CXCR4: variants seen among roughly 807,000 people sequenced by gnomAD.
The protein encoded by CXCR4 is C-X-C motif chemokine receptor 4, also known as C-X-C chemokine receptor type 4.
Under a neutral mutation model 22.4 loss-of-function variants are expected in CXCR4, and 6 were observed. That is an observed-to-expected ratio of 0.27 (90% CI 0.15 to 0.53). The LOEUF (loss-of-function observed/expected upper bound fraction) is 0.53. CXCR4 is among the 20% of genes least tolerant of loss of function. The pLI is 0.96. For missense variants in CXCR4, 300 were observed against 430.4 expected (o/e 0.70, Z 2.68); for synonymous variants, 155 against 171.7 (o/e 0.90, Z 0.76).
chr2:136,116,184 G>T (rs1025452941), intron 1 of CXCR4: 12 of 1,356,474 alleles, frequency 8.8e-6, no homozygotes, highest in Non-Finnish European at 1.1e-5. Context: ...GACGCTGAGG[G>T]TTTCAAAGTC....
In CXCR4 at chr2:136,115,514, G is replaced by A. The variant is rs2228014; in HGVS notation, c.414C>T (p.Ile138=). 63,175 of 1,614,162 alleles carry A rather than the reference G, an allele frequency of 0.039. 1,655 individuals are homozygous for A. Among genetic ancestry groups the A allele is most frequent in the East Asian group, 0.1 (4,515 of 44,888 alleles). ...AFISLDRYLA[I]VHATNSQRPR... is the part of the protein sequence containing the mutation. ...GCCTCTGACTGTTGGTGGCGTGGAC[G>A]ATGGCCAGGTAGCGGTCCAGACTGA... Residue 138 remains isoleucine, a synonymous_variant, in exon 2 of 2, where the codon ATC becomes ATT. Transcript: ENST00000241393. The surrounding 1 kb of genome is among the most constrained non-coding windows in gnomAD (Gnocchi z 6.4).
At position 136,115,918 on chromosome 2, in the gene CXCR4, A is replaced by G; in HGVS notation, c.16-6T>C. 1 of 1,614,186 alleles carries G rather than the reference A, an allele frequency of 6.2e-7. No individual in the cohort carries two copies. Among genetic ancestry groups the G allele is most frequent in the Non-Finnish European group, 8.5e-7 (1 of 1,180,016 alleles). On this transcript the variant is annotated splice_polypyrimidine_tract_variant and splice_region_variant and intron_variant, in intron 1 of 1. Coordinates refer to ENST00000241393, the MANE Select transcript of CXCR4 (RefSeq NM_003467.3). This position sits in a 1 kb window ranked among gnomAD's most constrained non-coding sequence, Gnocchi z 6.4. ...TAGTTATCTGAAGTGTATATCTGCAAAAGAGGCAAAGGAATGGACATTCAC... is the reference window on the plus strand; with the variant it reads ...TAGTTATCTGAAGTGTATATCTGCAGAAGAGGCAAAGGAATGGACATTCAC...
rs900000293 is a variant in CXCR4, at chr2:136,118,070, T to G, written c.-10A>C. The stretch of plus-strand genomic sequence containing the variant: ...CACTGATCCCCTCCATGGTAACCGC[T>G]GGTTCTCCAGATGCGGTGGCTACTG... On this transcript the variant is annotated 5_prime_UTR_variant, in exon 1 of 2. Coordinates refer to ENST00000241393, the MANE Select transcript of CXCR4 (RefSeq NM_003467.3). 5.6e-6 allele frequency: 9 copies of G among 1,613,716 alleles called. No individual in the cohort carries two copies. The highest frequency in any genetic ancestry group is 5.0e-5 in the Admixed American group (3 of 59,996).
intron 1 of CXCR4, among the ~76,000 whole-genome samples, chr2:136,116,846 C>A (rs1684910535): frequency 6.6e-6 from 1 of 152,152 alleles, no homozygotes; most frequent in Non-Finnish European, 1.5e-5. Context: ...ACGCGGGGGG[C>A]CGGGTCGTCC....
intron 1 of CXCR4, chr2:136,117,784 C>CTT (rs1684956829): frequency 2.1e-6 from 1 of 483,278 alleles, no homozygotes; most frequent in Admixed American, 4.0e-5. Context: ...CGCGGCGGGA[C>CTT]TCAAGGGGGA....
In CXCR4 at chr2:136,114,665, G is replaced by T. The variant is rs1252176632; in HGVS notation, c.*204C>A. ...ACAGCAACTAAGAACTTGGCCACAG[G>T]TCCTGCCTAGACACACATCAATATG... On this transcript the variant is annotated 3_prime_UTR_variant, in exon 2 of 2. Coordinates refer to ENST00000241393, the MANE Select transcript of CXCR4 (RefSeq NM_003467.3). The T allele has an allele frequency of 8.5e-6, 4 of 471,222 alleles. No homozygotes were observed. Among genetic ancestry groups the T allele is most frequent in the Non-Finnish European group, 1.5e-5 (4 of 268,634 alleles). The allele number at this position is 471,222 out of a possible 1,614,324, so 29.2% of individuals were successfully genotyped here. A position where few individuals can be genotyped will look rare whatever the true frequency, so the allele number is the denominator to read the frequency against.
Position 136,118,107 on chromosome 2 carries a change from C to CCCTCGGCGTCACTTTTGG in CXCR4, c.-48_-47insCCAAAAGTGACGCCGAGG. On this transcript the variant is annotated 5_prime_UTR_variant, in exon 1 of 2. Transcript: ENST00000241393. ...TGCGGTGGCTACTGGAGCACTCAGG[C>CCCTCGGCGTCACTTTTGG]CCTCGGCGTCACTTTGCTACCTGCT... 1 of 1,605,838 alleles carries CCCTCGGCGTCACTTTTGG rather than the reference C, an allele frequency of 6.2e-7. No homozygotes were observed. Among genetic ancestry groups the CCCTCGGCGTCACTTTTGG allele is most frequent in the Non-Finnish European group, 8.5e-7 (1 of 1,173,632 alleles).
intron 1 of CXCR4, among the ~76,000 whole-genome samples, chr2:136,116,537 T>C (rs1048747993): frequency 3.9e-5 from 6 of 152,152 alleles, no homozygotes; most frequent in African/African-American, 1.4e-4. Context: ...ACGAAGGCCC[T>C]TCGGTGCTTG....
rs770516483 is a variant in CXCR4, at chr2:136,115,507, C to T, written c.421G>A (p.Ala141Thr). The T allele has an allele frequency of 3.1e-6, 5 of 1,613,996 alleles. No individual in the cohort carries two copies. The highest frequency in any genetic ancestry group is 1.7e-5 in the Admixed American group (1 of 60,000). The change falls in exon 2 of 2, where the codon GCC becomes ACC. Residue 141 changes from alanine to threonine, a missense_variant. Ala to Thr is a moderately conservative substitution (Grantham distance 58, BLOSUM62 0). This residue lies in a region of CXCR4 where 118 missense variants were observed against 188.2 expected (regional missense o/e 0.63). Coordinates refer to ENST00000241393, the MANE Select transcript of CXCR4 (RefSeq NM_003467.3). The surrounding 1 kb of genome is among the most constrained non-coding windows in gnomAD (Gnocchi z 6.4). ...TTCCTTGGCCTCTGACTGTTGGTGG[C>T]GTGGACGATGGCCAGGTAGCGGTCC... ...SLDRYLAIVH[A>T]TNSQRPRKLL...
Position 136,114,360 on chromosome 2 carries a change from T to G in CXCR4, c.*509A>C, listed in dbSNP as rs1357387503. On this transcript the variant is annotated 3_prime_UTR_variant, in exon 2 of 2. Coordinates refer to ENST00000241393, the MANE Select transcript of CXCR4 (RefSeq NM_003467.3). Reference sequence around the variant, plus strand: ...AACATAACACTAAGTAAGTTTAACATGTACTTTTATTAACAACTTAATACA... The same window carrying G: ...AACATAACACTAAGTAAGTTTAACAGGTACTTTTATTAACAACTTAATACA... 1 of 211,754 alleles carries G rather than the reference T, an allele frequency of 4.7e-6. No individual in the cohort carries two copies. Among genetic ancestry groups the G allele is most frequent in the East Asian group, 7.2e-5 (1 of 13,898 alleles). 13.1% of individuals were successfully genotyped at this position (211,754 alleles called of 1,614,324 possible).
At chr2:136,116,968 G>A (rs1573616017) in intron 1 of CXCR4, among the ~76,000 whole-genome samples, 1 of 152,250 alleles carries the variant, frequency 6.6e-6, no homozygotes, top group Non-Finnish European at 1.5e-5. Context: ...GTGCTGGGGA[G>A]CGACTGGGCG....
intron 1 of CXCR4, chr2:136,117,474 G>C (rs1684935535): frequency 6.5e-6 from 1 of 153,318 alleles, no homozygotes; most frequent in African/African-American, 2.4e-5. Context: ...TCTGCCTACT[G>C]TGCTGGGAGA....
Position 136,115,262 on chromosome 2 carries a change from G to A in CXCR4, c.666C>T (p.Ile222=), listed in dbSNP as rs144569657. The A allele has an allele frequency of 1.2e-5, 20 of 1,614,058 alleles. No individual in the cohort carries two copies. Among genetic ancestry groups the A allele is most frequent in the Non-Finnish European group, 1.3e-5 (15 of 1,180,048 alleles). The change falls in exon 2 of 2, where the codon ATC becomes ATT. Residue 222 remains isoleucine (I), a synonymous_variant. Transcript: ENST00000241393. The surrounding 1 kb of genome is among the most constrained non-coding windows in gnomAD (Gnocchi z 6.4). The stretch of plus-strand genomic sequence containing the variant: ...CCTTGGAGTGTGACAGCTTGGAGAT[G>A]ATAATGCAATAGCAGGACAGGATGA... ...GIVILSCYCI[I]ISKLSHSKGH...
In CXCR4 at chr2:136,115,064, C is replaced by G; in HGVS notation, c.864G>C (p.Glu288Asp). The change falls in exon 2 of 2, where the codon GAG (glutamate) becomes GAC (aspartate). Residue 288 changes from glutamate to aspartate, a missense_variant. By Grantham distance (45) the Glu-to-Asp change is conservative (BLOSUM62 2). This residue lies in a region of CXCR4 where 45 missense variants were observed against 89.1 expected (regional missense o/e 0.51). Transcript: ENST00000241393. This position sits in a 1 kb window ranked among gnomAD's most constrained non-coding sequence, Gnocchi z 6.4. ...NTVHKWISIT[E>D]ALAFFHCCLN... ...GACAACAGTGGAAGAAAGCTAGGGC[C>G]TCGGTGATGGAAATCCACTTGTGCA... 6.2e-7 allele frequency: 1 copy of G among 1,614,180 alleles called. No homozygotes were observed. The highest frequency in any genetic ancestry group is 8.5e-7 in the Non-Finnish European group (1 of 1,180,048).
In CXCR4 at chr2:136,115,911, A is replaced by G. The variant is rs1684876088; in HGVS notation, c.17T>C (p.Ile6Thr). 6.2e-7 allele frequency: 1 copy of G among 1,614,076 alleles called. No homozygotes were observed. Among genetic ancestry groups the G allele is most frequent in the Non-Finnish European group, 8.5e-7 (1 of 1,180,018 alleles). Residue 6 changes from isoleucine (I) to threonine (T), a missense_variant and splice_region_variant, in exon 2 of 2, where the codon ATA (isoleucine) becomes ACA (threonine). Around this residue, in one of 3 missense-constraint regions of CXCR4, gnomAD observed 118 missense variants for 188.2 expected, o/e 0.63. Transcript: ENST00000241393. This position sits in a 1 kb window ranked among gnomAD's most constrained non-coding sequence, Gnocchi z 6.4. ...CTCGGTGTAGTTATCTGAAGTGTATATCTGCAAAAGAGGCAAAGGAATGGA... is the reference window on the plus strand; with the variant it reads ...CTCGGTGTAGTTATCTGAAGTGTATGTCTGCAAAAGAGGCAAAGGAATGGA... MEGIS[I>T]YTSDNYTEEM...
Position 136,115,157 on chromosome 2 carries a change from A to C in CXCR4, c.771T>G (p.Ile257Met). 6.2e-7 allele frequency: 1 copy of C among 1,614,154 alleles called. No individual in the cohort carries two copies. Residue 257 changes from isoleucine to methionine, a missense_variant, in exon 2 of 2, where the codon ATT becomes ATG. Transcript: ENST00000241393. The surrounding 1 kb of genome is among the most constrained non-coding windows in gnomAD (Gnocchi z 6.4). ...GGATGAAGGAGTCGATGCTGATCCC[A>C]ATGTAGTAAGGCAGCCAACAGGCGA... ...AFFACWLPYY[I>M]GISIDSFILL... is the part of the protein sequence containing the mutation.
chr2:136,114,843 A>G lies in CXCR4; in HGVS notation c.*26T>C. 6.4e-7 allele frequency: 1 copy of G among 1,564,444 alleles called. No individual in the cohort carries two copies. The highest frequency in any genetic ancestry group is 1.1e-5 in the South Asian group (1 of 87,192). On this transcript the variant is annotated 3_prime_UTR_variant, in exon 2 of 2. Transcript: ENST00000241393. ...AACTTAAAAAAAAGTTATTTATCGT[A>G]TAAAAAAAAGTCTTTTACATCTGTG...
rs1684870541 is a variant in CXCR4, at chr2:136,115,781, G to A, written c.147C>T (p.Phe49=). 1.2e-6 allele frequency: 2 copies of A among 1,614,216 alleles called. No homozygotes were observed. The highest frequency in any genetic ancestry group is 8.5e-7 in the Non-Finnish European group (1 of 1,180,042). The change falls in exon 2 of 2, where the codon TTC becomes TTT. Residue 49 remains phenylalanine, a synonymous_variant. Transcript: ENST00000241393. The surrounding 1 kb of genome is among the most constrained non-coding windows in gnomAD (Gnocchi z 6.4). ...IFLPTIYSII[F]LTGIVGNGLV... is the part of the protein sequence containing the mutation. ...ATCCATTGCCCACAATGCCAGTTAAGAAGATGATGGAGTAGATGGTGGGCA... is the reference window on the plus strand; with the variant it reads ...ATCCATTGCCCACAATGCCAGTTAAAAAGATGATGGAGTAGATGGTGGGCA...
At position 136,116,904 on chromosome 2, in the gene CXCR4, C is replaced by T. The variant is rs530167250; in HGVS notation, c.16-992G>A. Among the ~76,000 whole-genome samples the T allele has an allele frequency of 3.3e-5, 5 of 152,344 alleles. No homozygotes were observed. The South Asian group carries it at 1.0e-3, about 32-fold the overall frequency. On this transcript the variant is annotated intron_variant, in intron 1 of 1. Coordinates refer to ENST00000241393, the MANE Select transcript of CXCR4 (RefSeq NM_003467.3). The stretch of plus-strand genomic sequence containing the variant: ...CCACTACACCCACGCCAACCGCCCG[C>T]AAGCAGCGCTGCAGGGGCTCCGCTG...
Sources: gnomAD v4.1 joint callset for allele counts (sites outside exome capture counted in the v4.1 genomes callset) on GRCh38, gnomAD v4.1.1 for gene constraint, gnomAD v4.1.1 regional missense constraint, Gnocchi (gnomAD v3.1) non-coding constraint, MANE v1.5 for transcripts, NCBI Gene and HGNC (gene_info 2026-07-23, HGNC 2026-07-21) for gene names.